IL1RAPL1: variants seen among roughly 807,000 people sequenced by gnomAD.
IL1RAPL1 encodes the protein interleukin 1 receptor accessory protein like 1, also known as interleukin-1 receptor accessory protein-like 1.
Under a neutral mutation model 48.4 loss-of-function variants are expected in IL1RAPL1, and 3 were observed. The observed-to-expected ratio is 0.06, with a 90% CI of 0.03 to 0.16. The LOEUF (loss-of-function observed/expected upper bound fraction) is 0.16, where lower values mean the gene tolerates loss of function less well. Ranked by LOEUF, IL1RAPL1 falls within the 10% of genes least tolerant of loss-of-function variation. IL1RAPL1 has a pLI of 1.00. For missense variants in IL1RAPL1, 349 were observed against 530.6 expected, an observed-to-expected ratio of 0.66 and a Z score of 3.36; for synonymous variants, 185 against 187.7, an observed-to-expected ratio of 0.99 and a Z score of 0.12.
intron 5 of IL1RAPL1, among the ~76,000 whole-genome samples, chrX:29,561,032 C>T (rs1234383382): frequency 8.9e-6 from 1 of 112,073 alleles, no homozygotes; most frequent in East Asian, 2.8e-4. Flanking sequence ...TTTCATTAGT[C>T]AGCCTGACAT....
At chrX:28,652,162 C>T (rs1601847296) in intron 1 of IL1RAPL1, among the ~76,000 whole-genome samples, 2 of 111,473 alleles carry the variant, frequency 1.8e-5, no homozygotes, top group South Asian at 7.7e-4. Flanking sequence ...TGGGCAAGCA[C>T]GGCTTCTCAG....
chrX:29,734,794 T>C (rs997610054), intron 6 of IL1RAPL1, among the ~76,000 whole-genome samples: 4 of 111,300 alleles, frequency 3.6e-5, no homozygotes, highest in Admixed American at 1.9e-4. Context: ...GAGAGCTGAA[T>C]AGAGATTACA....
chrX:28,826,111 G>T (rs1245887945), intron 2 of IL1RAPL1, among the ~76,000 whole-genome samples: 1 of 111,654 alleles, frequency 9.0e-6, no homozygotes, highest in Non-Finnish European at 1.9e-5. Flanking sequence ...TTAAAAATGT[G>T]CAGTGTTCAG....
rs771739814 is a variant in IL1RAPL1 at position 29,328,652 on chromosome X, G to T, written c.362+45435G>T. 8.5e-3 allele frequency among the ~76,000 whole-genome samples: 911 copies of T among 107,251 alleles called. 12 individuals carry two copies. Among genetic ancestry groups the T allele is most frequent in the African/African-American group, 0.027 (770 of 28,622 alleles). 93.1% of individuals were successfully genotyped at this position (107,251 alleles called of 115,157 possible). A position where few individuals can be genotyped will look rare whatever the true frequency, so the allele number is the denominator to read the frequency against. On this transcript the variant is annotated intron_variant, in intron 3 of 10. Transcript: ENST00000378993. Reference sequence around the variant, plus strand: ...ATATGTATATATATATAGAGAGAGAGAGAGAGAGAGAGAGACAGAGAGAGA... The same window carrying T: ...ATATGTATATATATATAGAGAGAGATAGAGAGAGAGAGAGACAGAGAGAGA...
intron 2 of IL1RAPL1, among the ~76,000 whole-genome samples, chrX:29,022,250 C>T (rs1410176532): frequency 9.0e-6 from 1 of 111,529 alleles, no homozygotes; most frequent in Non-Finnish European, 1.9e-5. Flanking sequence ...CTGTCACCAC[C>T]TCGGTGTGAC....
chrX:29,306,636 G>C (rs1334867426), intron 3 of IL1RAPL1, among the ~76,000 whole-genome samples: 1 of 106,960 alleles, frequency 9.3e-6, no homozygotes, highest in African/African-American at 3.4e-5. Flanking sequence ...GCCGAGGTGG[G>C]TGGATCACAA....
At chrX:29,214,360 T>C (rs1602115529) in intron 2 of IL1RAPL1, among the ~76,000 whole-genome samples, 1 of 110,927 alleles carries the variant, frequency 9.0e-6, no homozygotes, top group African/African-American at 3.3e-5. Flanking sequence ...TATTTAGAAA[T>C]AAACTGATAT....
At chrX:29,916,027 A>G (rs1321998791) in intron 6 of IL1RAPL1, among the ~76,000 whole-genome samples, 3 of 99,831 alleles carry the variant, frequency 3.0e-5, no homozygotes, top group African/African-American at 1.1e-4. Context: ...GCGATAGTTT[A>G]CTGAGAATGA....
At chrX:29,008,184 T>A (rs1197721047) in intron 2 of IL1RAPL1, among the ~76,000 whole-genome samples, 8 of 108,855 alleles carry the variant, frequency 7.3e-5, no homozygotes, top group African/African-American at 1.3e-4. Flanking sequence ...TTTTTTTTTT[T>A]ATTGAGACGG....
chrX:29,272,992 G>A (rs1398924549), intron 2 of IL1RAPL1, among the ~76,000 whole-genome samples: 2 of 111,580 alleles, frequency 1.8e-5, no homozygotes, highest in African/African-American at 3.3e-5. Flanking sequence ...GATCAGTTTG[G>A]TTCTTTCTTA....
intron 8 of IL1RAPL1, among the ~76,000 whole-genome samples, chrX:29,939,622 A>C (rs1398407451): frequency 1.8e-5 from 2 of 111,994 alleles, no homozygotes; most frequent in African/African-American, 6.5e-5. Flanking sequence ...AAGCTGCTGG[A>C]GGTATTTTTC....
chrX:29,534,208 T>C (rs1470277121), intron 5 of IL1RAPL1, among the ~76,000 whole-genome samples: 1 of 111,704 alleles, frequency 9.0e-6, no homozygotes, highest in African/African-American at 3.3e-5. Context: ...AAGACACCAT[T>C]GCTTCTCTTT....
At chrX:29,908,610 G>A (rs368274564) in intron 6 of IL1RAPL1, among the ~76,000 whole-genome samples, 2 of 110,650 alleles carry the variant, frequency 1.8e-5, no homozygotes, top group African/African-American at 6.5e-5. Flanking sequence ...TTATTTTTAC[G>A]TGATTATATT....
intron 5 of IL1RAPL1, among the ~76,000 whole-genome samples, chrX:29,629,807 G>C (rs747981050): frequency 5.4e-4 from 60 of 111,685 alleles, no homozygotes; most frequent in African/African-American, 2.0e-3. Context: ...ATCTCTCTCT[G>C]TGCTAGACTG....
chrX:29,762,020 GTTC>G (rs1928764678), intron 6 of IL1RAPL1, among the ~76,000 whole-genome samples: 2 of 111,320 alleles, frequency 1.8e-5, no homozygotes, highest in South Asian at 7.4e-4. Context: ...CCTTGTTTCT[GTTC>G]TTCTTCTGTT....
chrX:28,819,715 T>C (rs1009324537), intron 2 of IL1RAPL1, among the ~76,000 whole-genome samples: 5 of 108,336 alleles, frequency 4.6e-5, no homozygotes, highest in Non-Finnish European at 9.6e-5. Flanking sequence ...TCAGAATTGT[T>C]CCAGAAACCT....
chrX:29,041,711 T>C (rs1412878222), intron 2 of IL1RAPL1, among the ~76,000 whole-genome samples: 1 of 111,914 alleles, frequency 8.9e-6, no homozygotes, highest in Non-Finnish European at 1.9e-5. Flanking sequence ...GTTCTTTATT[T>C]CTTCTACAAA....
chrX:29,750,125 G>A (rs773121613), intron 6 of IL1RAPL1, among the ~76,000 whole-genome samples: 2 of 111,920 alleles, frequency 1.8e-5, no homozygotes, highest in East Asian at 5.6e-4. Context: ...TCCTTTATGT[G>A]TCACTTTCCC....
chrX:28,672,086 G>A (rs1934952112), intron 1 of IL1RAPL1, among the ~76,000 whole-genome samples: 1 of 111,870 alleles, frequency 8.9e-6, no homozygotes, highest in African/African-American at 3.3e-5. Flanking sequence ...TGGGTATGAT[G>A]GTATTAAGAA....
Sources: gnomAD v4.1 joint callset for allele counts (sites outside exome capture counted in the v4.1 genomes callset) on GRCh38, gnomAD v4.1.1 for gene constraint, MANE v1.5 for transcripts, NCBI Gene and HGNC (gene_info 2026-07-23, HGNC 2026-07-21) for gene names.